The following RPS6KA2 variants were observed in gnomAD, a reference collection of about 807,000 sequenced individuals.
RPS6KA2 encodes the protein ribosomal protein S6 kinase A2, also known as ribosomal protein S6 kinase alpha-2.
A neutral mutation model predicts 91.8 loss-of-function variants in RPS6KA2; 42 were observed. The observed-to-expected ratio is 0.46, with a 90% CI of 0.36 to 0.59. The LOEUF is 0.59. Ranked by LOEUF, RPS6KA2 falls within the 20% of genes least tolerant of loss-of-function variation. The probability of loss-of-function intolerance (pLI) is 0.00; values close to 1 mark genes in which losing one functional copy is unlikely to be tolerated. For missense variants in RPS6KA2, 798 were observed against 978.5 expected (o/e 0.82, Z 2.46); for synonymous variants, 414 against 393.6 (o/e 1.05, Z -0.61).
chr6:166,694,535 T>C (rs538239041), intron 2 of RPS6KA2, among the ~76,000 whole-genome samples: 4 of 152,192 alleles, frequency 2.6e-5, no homozygotes, highest in African/African-American at 9.6e-5. Context: ...CCCAGAAGAG[T>C]TCGTCTAACA....
intron 2 of RPS6KA2, among the ~76,000 whole-genome samples, chr6:166,654,837 C>G (rs980732939): frequency 2.0e-5 from 3 of 152,184 alleles, no homozygotes; most frequent in Non-Finnish European, 2.9e-5. Context: ...GTGGGAGACA[C>G]TCGCTTCTGC....
chr6:166,492,108 C>T (rs1781606884), intron 8 of RPS6KA2, among the ~76,000 whole-genome samples: 1 of 152,016 alleles, frequency 6.6e-6, no homozygotes, highest in Admixed American at 6.6e-5. Flanking sequence ...GAAATGAATG[C>T]ATTTAAGGTT....
In RPS6KA2 at chr6:166,726,913, C is replaced by A. The variant is rs1777018160; in HGVS notation, c.123+131287G>T. Among the ~76,000 whole-genome samples the A allele has an allele frequency of 6.6e-6, 1 of 152,160 alleles. No homozygotes were observed. The highest frequency in any genetic ancestry group is 2.4e-5 in the African/African-American group (1 of 41,428). On this transcript the variant is annotated intron_variant, in intron 2 of 21. Coordinates refer to the RPS6KA2 transcript ENST00000503859. This position sits in a 1 kb window ranked among gnomAD's most constrained non-coding sequence, Gnocchi z 4.4. ...ACCGTCCTGGGTGCTGTCTCCTCCA[C>A]CACGTAAGCCAAACCTGATTTCCGT...
intron 2 of RPS6KA2, among the ~76,000 whole-genome samples, chr6:166,844,275 G>A (rs1780556389): frequency 6.6e-6 from 1 of 152,192 alleles, no homozygotes; most frequent in African/African-American, 2.4e-5. Context: ...TTGGGATTGT[G>A]TTAAGCATCC....
chr6:166,564,218 A>T (rs1784426283), intron 1 of RPS6KA2, among the ~76,000 whole-genome samples: 1 of 152,156 alleles, frequency 6.6e-6, no homozygotes, highest in Non-Finnish European at 1.5e-5. Flanking sequence ...TCTTCACTCC[A>T]AGCTTGTCAC....
At chr6:166,485,611 C>T (rs546693014) in intron 10 of RPS6KA2, among the ~76,000 whole-genome samples, 1 of 152,196 alleles carries the variant, frequency 6.6e-6, no homozygotes, top group Non-Finnish European at 1.5e-5. Context: ...CAGGGCACCG[C>T]GATGCATTGG....
In RPS6KA2 at chr6:166,626,997, A is replaced by C. The variant is rs1786908527; in HGVS notation, c.23T>G (p.Phe8Cys). 1.3e-6 allele frequency: 2 copies of C among 1,550,178 alleles called. No individual in the cohort carries two copies. The highest frequency in any genetic ancestry group is 1.2e-5 in the South Asian group (1 of 84,562). Residue 8 changes from phenylalanine (F) to cysteine (C), a missense_variant, in exon 1 of 21, where the codon TTC (phenylalanine) becomes TGC (cysteine). Phe to Cys is a radical substitution (Grantham distance 205, BLOSUM62 -2). Coordinates refer to ENST00000265678, the MANE Select transcript of RPS6KA2 (RefSeq NM_021135.6). This position sits in a 1 kb window ranked among gnomAD's most constrained non-coding sequence, Gnocchi z 4.1. MDLSMKK[F>C]AVRRFFSVYL... ...CACAGAGAAGAACCTGCGCACGGCG[A>C]ACTTCTTCATGCTCAGGTCCATCGC... is the stretch of plus-strand genomic sequence containing the variant.
At chr6:166,417,134 G>A (rs533887689) in intron 19 of RPS6KA2, among the ~76,000 whole-genome samples, 13 of 152,256 alleles carry the variant, frequency 8.5e-5, no homozygotes, top group African/African-American at 2.9e-4. Flanking sequence ...AAATAAGGCC[G>A]GTCATAAACT....
At chr6:166,517,328 TCTGGCCATAAACTGGCCCCAAAA>T (rs1252126337) in intron 3 of RPS6KA2, among the ~76,000 whole-genome samples, 1 of 151,996 alleles carries the variant, frequency 6.6e-6, no homozygotes, top group Non-Finnish European at 1.5e-5. Context: ...GGCCCCCAAA[TCTGGCCATAAACTGGCCCCAAAA>T]CTGGCCATAA....
At position 166,558,038 on chromosome 6, in the gene RPS6KA2, G is replaced by T. The variant is rs145623223; in HGVS notation, c.100-19254C>A. 4.1e-3 allele frequency among the ~76,000 whole-genome samples: 628 copies of T among 151,996 alleles called. 7 individuals are homozygous for T. Among genetic ancestry groups the T allele is most frequent in the African/African-American group, 0.015 (607 of 41,412 alleles). ...GGTGTGTATGTATGTGTATATATAG[G>T]TGTGTATGTATGTGTCTATAGATTT... On this transcript the variant is annotated intron_variant, in intron 1 of 20. Transcript: ENST00000265678.
intron 19 of RPS6KA2, among the ~76,000 whole-genome samples, chr6:166,416,017 TTACGC>T: frequency 1.7e-5 from 2 of 118,140 alleles, no homozygotes; most frequent in Non-Finnish European, 3.5e-5. Context: ...ACCCCCACCA[TTACGC>T]TCACCATCAT....
chr6:166,724,305 G>A (rs891473848), intron 2 of RPS6KA2, among the ~76,000 whole-genome samples: 4 of 151,738 alleles, frequency 2.6e-5, no homozygotes, highest in East Asian at 1.9e-4. Flanking sequence ...AAATTTTGAC[G>A]CTGTTACTTG....
intron 14 of RPS6KA2, among the ~76,000 whole-genome samples, chr6:166,444,739 C>A (rs1412813861): frequency 6.6e-6 from 1 of 152,180 alleles, no homozygotes; most frequent in Non-Finnish European, 1.5e-5. Flanking sequence ...GAGGGACAAG[C>A]CTGGGAATCC....
rs539630836 is a variant in RPS6KA2, at chr6:166,625,563, T to C, written c.99+1358A>G. Among the ~76,000 whole-genome samples the C allele has an allele frequency of 7.9e-5, 12 of 152,130 alleles. No homozygotes were observed. In the East Asian group the frequency reaches 2.1e-3, roughly 27 times the overall value. On this transcript the variant is annotated intron_variant, in intron 1 of 20. Transcript: ENST00000265678. The stretch of plus-strand genomic sequence containing the variant: ...CAGTAAATGGAAGGAGACAAGGAGT[T>C]GTCTAATAAACTTGGCATTGAGATG...
At chr6:166,775,982 G>C (rs7763744) in intron 2 of RPS6KA2, among the ~76,000 whole-genome samples, 25,598 of 152,178 alleles carry the variant, frequency 0.17, 2,323 homozygotes, top group African/African-American at 0.22. Flanking sequence ...GGCGGGCATT[G>C]CTGGCTTTAT....
intron 6 of RPS6KA2, among the ~76,000 whole-genome samples, chr6:166,502,335 A>C (rs1782055183): frequency 6.6e-6 from 1 of 152,398 alleles, no homozygotes; most frequent in African/African-American, 2.4e-5. Context: ...TGAACAAGGC[A>C]AATCTTTTCA....
Position 166,635,108 on chromosome 6 carries a change from G to A in RPS6KA2, c.124-96324C>T, listed in dbSNP as rs151218474. On this transcript the variant is annotated intron_variant, in intron 2 of 21. Coordinates refer to the RPS6KA2 transcript ENST00000503859. This position sits in a 1 kb window ranked among gnomAD's most constrained non-coding sequence, Gnocchi z 4.8. ...CCAACGGTAGTACGTGAAAGTGACC[G>A]TGTGGGGCATACTTGGTTGTATTCA... Among the ~76,000 whole-genome samples, 1 of 152,358 alleles carries A rather than the reference G, an allele frequency of 6.6e-6. No homozygotes were observed. Among genetic ancestry groups the A allele is most frequent in the African/African-American group, 2.4e-5 (1 of 41,586 alleles).
intron 3 of RPS6KA2, among the ~76,000 whole-genome samples, chr6:166,527,079 T>A (rs1406644874): frequency 6.6e-6 from 1 of 152,150 alleles, no homozygotes; most frequent in Admixed American, 6.5e-5. Context: ...AGATGGAGCG[T>A]TCTGCACTTT....
intron 2 of RPS6KA2, among the ~76,000 whole-genome samples, chr6:166,743,544 T>C (rs1414252252): frequency 1.3e-5 from 2 of 152,204 alleles, no homozygotes; most frequent in East Asian, 1.9e-4. Context: ...TTGGTTGCTA[T>C]AACAACAGTG....
Sources: allele counts gnomAD v4.1 joint callset (sites outside exome capture counted in the v4.1 genomes callset), GRCh38; gene constraint gnomAD v4.1.1; non-coding constraint Gnocchi (gnomAD v3.1); transcripts MANE v1.5; gene names NCBI Gene and HGNC (gene_info 2026-07-23, HGNC 2026-07-21).